The following DLG2 variants were observed in gnomAD, a reference collection of about 807,000 sequenced individuals.
The protein encoded by DLG2 is discs large MAGUK scaffold protein 2, also known as disks large homolog 2.
In DLG2, 45 loss-of-function variants were observed where a neutral mutation model predicts 132.5. That is an observed-to-expected ratio of 0.34 (90% confidence interval 0.27 to 0.44). DLG2 has a LOEUF of 0.44. Among genes scored for constraint, DLG2 ranks in the 20% least tolerant of loss-of-function variants. DLG2 has a pLI of 1.00. For synonymous variants in DLG2, 424 were observed against 419.6 expected (o/e 1.01, Z -0.13); for missense variants, 1,045 against 1,196.9 (o/e 0.87, Z 1.87).
At chr11:84,073,386 A>C (rs1360478827) in intron 10 of DLG2, among the ~76,000 whole-genome samples, 1 of 152,224 alleles carries the variant, frequency 6.6e-6, no homozygotes, top group Non-Finnish European at 1.5e-5. Flanking sequence ...GGCCTAAACA[A>C]ACACAATTGA....
At chr11:83,512,801 C>T (rs1048469190) in intron 21 of DLG2, among the ~76,000 whole-genome samples, 7 of 151,862 alleles carry the variant, frequency 4.6e-5, no homozygotes, top group East Asian at 1.9e-4. Context: ...TTTGTCCTTG[C>T]GATAGTTTGC....
rs1312834718 is a variant in DLG2 at position 83,981,752 on chromosome 11, T to C, written c.920-1110A>G. 2.6e-5 allele frequency among the ~76,000 whole-genome samples: 4 copies of C among 152,330 alleles called. No homozygotes were observed. In the East Asian group the frequency reaches 7.7e-4, roughly 29 times the overall value. Reference sequence around the variant, plus strand: ...ACGTCCTGCCAAAAACTTTAAAATGTATACTTAGGCTATATTATTTTTATA... The same window carrying C: ...ACGTCCTGCCAAAAACTTTAAAATGCATACTTAGGCTATATTATTTTTATA... On this transcript the variant is annotated intron_variant, in intron 11 of 27. Coordinates refer to ENST00000376104, the MANE Select transcript of DLG2 (RefSeq NM_001142699.3).
At chr11:84,191,167 T>C (rs911568708) in intron 8 of DLG2, among the ~76,000 whole-genome samples, 2 of 152,192 alleles carry the variant, frequency 1.3e-5, no homozygotes, top group African/African-American at 4.8e-5. Flanking sequence ...TTTATGTGGA[T>C]TTCAGTTTCT....
At chr11:83,794,641 C>A (rs985629004) in intron 17 of DLG2, among the ~76,000 whole-genome samples, 2 of 151,918 alleles carry the variant, frequency 1.3e-5, no homozygotes, top group Admixed American at 1.3e-4. Context: ...CAGGTATGTA[C>A]ATCAGAGATA....
chr11:85,263,911 G>A (rs900098738), intron 4 of DLG2, among the ~76,000 whole-genome samples: 4 of 152,178 alleles, frequency 2.6e-5, no homozygotes, highest in African/African-American at 9.6e-5. Flanking sequence ...GTTTATTAGA[G>A]AGAAAGTATA....
chr11:83,484,126 T>G lies in DLG2; in HGVS notation c.2293+3A>C. 1 of 1,610,904 alleles carries G rather than the reference T, an allele frequency of 6.2e-7. No individual in the cohort carries two copies. The highest frequency in any genetic ancestry group is 8.5e-7 in the Non-Finnish European group (1 of 1,177,450). ...GTGACATTATCTTTCAGAATCTACTTACGTTCAGGATCACTGGTTTCCTGC... is the reference window on the plus strand; with the variant it reads ...GTGACATTATCTTTCAGAATCTACTGACGTTCAGGATCACTGGTTTCCTGC... On this transcript the variant is annotated splice_donor_region_variant and intron_variant, in intron 22 of 27. Coordinates refer to ENST00000376104, the MANE Select transcript of DLG2 (RefSeq NM_001142699.3).
At chr11:85,453,370 C>G (rs557005428) in intron 3 of DLG2, 46 of 217,812 alleles carry the variant, frequency 2.1e-4, no homozygotes, top group African/African-American at 9.7e-4. Context: ...AAAATTGAAT[C>G]TGAGTTTCTT....
intron 16 of DLG2, among the ~76,000 whole-genome samples, chr11:83,860,660 G>A (rs888963974): frequency 1.5e-5 from 2 of 129,212 alleles, no homozygotes; most frequent in Non-Finnish European, 3.3e-5. Context: ...GCTGAAATGA[G>A]TTAAGACTTT....
intron 4 of DLG2, among the ~76,000 whole-genome samples, chr11:85,167,530 A>G (rs1373594074): frequency 6.6e-6 from 1 of 152,150 alleles, no homozygotes; most frequent in African/African-American, 2.4e-5. Context: ...AACCCTCCTA[A>G]TACCCAGAGG....
chr11:84,562,337 T>A (rs574729931), intron 6 of DLG2, among the ~76,000 whole-genome samples: 25 of 152,268 alleles, frequency 1.6e-4, no homozygotes, highest in East Asian at 1.4e-3. Flanking sequence ...AAAATTTTTT[T>A]AAAAAGAAAA....
At chr11:85,508,080 G>C (rs2093976292) in intron 3 of DLG2, among the ~76,000 whole-genome samples, 1 of 152,000 alleles carries the variant, frequency 6.6e-6, no homozygotes, top group East Asian at 1.9e-4. Context: ...TCTTCTCTAT[G>C]CTGTTTATTC....
At chr11:85,202,362 A>G (rs919410040) in intron 4 of DLG2, among the ~76,000 whole-genome samples, 4 of 152,196 alleles carry the variant, frequency 2.6e-5, no homozygotes, top group Non-Finnish European at 5.9e-5. Flanking sequence ...AAAATAGCCA[A>G]GTATATAAAG....
intron 7 of DLG2, among the ~76,000 whole-genome samples, chr11:84,377,646 A>C (rs771064292): frequency 1.3e-5 from 2 of 152,202 alleles, no homozygotes; most frequent in African/African-American, 2.4e-5. Context: ...AATGACGATT[A>C]TAGAATCTGA....
intron 19 of DLG2, chr11:83,631,586 A>C (rs1486595874): frequency 6.6e-6 from 1 of 152,130 alleles, no homozygotes; most frequent in East Asian, 1.9e-4. Context: ...CTACTCTTTC[A>C]AATAAGTGTA....
intron 5 of DLG2, among the ~76,000 whole-genome samples, chr11:85,138,896 C>A (rs976619572): frequency 6.6e-6 from 1 of 151,880 alleles, no homozygotes; most frequent in East Asian, 1.9e-4. Context: ...CTAATACATA[C>A]CCAAAGCACA....
chr11:85,551,412 G>C (rs2153220445), intron 3 of DLG2, among the ~76,000 whole-genome samples: 1 of 152,050 alleles, frequency 6.6e-6, no homozygotes, highest in South Asian at 2.1e-4. Flanking sequence ...GTTTTTCTCA[G>C]ACTTCAGTTT....
intron 11 of DLG2, among the ~76,000 whole-genome samples, chr11:84,028,606 C>G (rs1415684559): frequency 6.6e-6 from 1 of 152,046 alleles, no homozygotes; most frequent in East Asian, 1.9e-4. Flanking sequence ...CAGATGAATT[C>G]TCTCTTGAAG....
chr11:84,446,354 T>C (rs1005838219), intron 7 of DLG2, among the ~76,000 whole-genome samples: 1 of 152,178 alleles, frequency 6.6e-6, no homozygotes, highest in Non-Finnish European at 1.5e-5. Context: ...CTAATTTTCC[T>C]GAACGTCTAA....
At chr11:84,547,695 G>A (rs1332661335) in intron 6 of DLG2, among the ~76,000 whole-genome samples, 3 of 152,066 alleles carry the variant, frequency 2.0e-5, no homozygotes, top group African/African-American at 7.2e-5. Flanking sequence ...GTGCTCCCAT[G>A]TCTGACTCCC....
Sources: allele counts gnomAD v4.1 joint callset (sites outside exome capture counted in the v4.1 genomes callset), GRCh38; gene constraint gnomAD v4.1.1; transcripts MANE v1.5; gene names NCBI Gene and HGNC (gene_info 2026-07-23, HGNC 2026-07-21).